The following GPC6 variants were observed in gnomAD, a reference collection of about 807,000 sequenced individuals.
The protein encoded by GPC6 is glypican 6.
In GPC6, 14 loss-of-function variants were observed where a neutral mutation model predicts 55.2. The ratio of observed to expected loss-of-function variants is 0.25; its 90% confidence interval spans 0.17 to 0.40. GPC6 has a LOEUF of 0.40. Ranked by LOEUF, GPC6 falls within the 10% of genes least tolerant of loss-of-function variation. The probability of loss-of-function intolerance (pLI) is 1.00; values close to 1 mark genes in which losing one functional copy is unlikely to be tolerated. For synonymous variants in GPC6, 278 were observed against 259.6 expected, an observed-to-expected ratio of 1.07 and a Z score of -0.68; for missense variants, 641 against 708.5, an observed-to-expected ratio of 0.90 and a Z score of 1.08.
At chr13:93,752,473 C>T (rs1213331047) in intron 2 of GPC6, among the ~76,000 whole-genome samples, 1 of 151,806 alleles carries the variant, frequency 6.6e-6, no homozygotes, top group African/African-American at 2.4e-5. Flanking sequence ...AAGAAAATGC[C>T]TAAGGTAGCA....
chr13:94,036,101 A>G (rs1183358295), intron 4 of GPC6, among the ~76,000 whole-genome samples: 2 of 152,002 alleles, frequency 1.3e-5, no homozygotes, highest in African/African-American at 4.8e-5. Flanking sequence ...TTGTTACTCT[A>G]AAGAGGGAGT....
intron 1 of GPC6, among the ~76,000 whole-genome samples, chr13:93,232,957 A>G (rs1409309062): frequency 1.3e-5 from 2 of 152,172 alleles, no homozygotes; most frequent in Non-Finnish European, 2.9e-5. Context: ...CTTAATTCAC[A>G]TCTTTCAAAT....
chr13:94,197,263 C>G (rs1889607282), intron 4 of GPC6, among the ~76,000 whole-genome samples: 1 of 152,146 alleles, frequency 6.6e-6, no homozygotes, highest in South Asian at 2.1e-4. Flanking sequence ...ACACCCAGAC[C>G]TTAGTCAAAA....
intron 2 of GPC6, among the ~76,000 whole-genome samples, chr13:93,601,766 A>G (rs1211038196): frequency 3.9e-5 from 6 of 152,250 alleles, no homozygotes; most frequent in Non-Finnish European, 7.3e-5. Context: ...ACACATATGT[A>G]TCTGGCTTCT....
chr13:94,177,833 T>A (rs969268971), intron 4 of GPC6, among the ~76,000 whole-genome samples: 1 of 152,142 alleles, frequency 6.6e-6, no homozygotes, highest in African/African-American at 2.4e-5. Flanking sequence ...ATAAACCACA[T>A]GACCAAGTAT....
At chr13:94,184,036 T>A (rs1382344596) in intron 4 of GPC6, among the ~76,000 whole-genome samples, 1 of 152,120 alleles carries the variant, frequency 6.6e-6, no homozygotes, top group Admixed American at 6.5e-5. Flanking sequence ...GCTGTGATAG[T>A]TGGCTAGCCA....
At chr13:93,500,708 C>T (rs1472016619) in intron 1 of GPC6, among the ~76,000 whole-genome samples, 6 of 152,046 alleles carry the variant, frequency 3.9e-5, no homozygotes, top group Non-Finnish European at 8.8e-5. Flanking sequence ...AAATCTTGTT[C>T]TTGCACCATG....
chr13:93,394,558 C>T (rs1875771970), intron 1 of GPC6, among the ~76,000 whole-genome samples: 1 of 152,150 alleles, frequency 6.6e-6, no homozygotes, highest in South Asian at 2.1e-4. Flanking sequence ...AAATGTAATA[C>T]AAACTTAAAA....
chr13:93,295,290 CAAAA>C (rs67379652), intron 1 of GPC6, among the ~76,000 whole-genome samples: 9 of 66,680 alleles, frequency 1.3e-4, no homozygotes, highest in African/African-American at 5.3e-4. Context: ...GACCCTGTCT[CAAAA>C]AAAAAAAAAA....
chr13:93,936,910 A>G (rs976867740), intron 3 of GPC6, among the ~76,000 whole-genome samples: 43 of 152,300 alleles, frequency 2.8e-4, no homozygotes, highest in Non-Finnish European at 5.3e-4. Flanking sequence ...CAGCATCCTA[A>G]ATTTAGAAAC....
At chr13:93,490,514 G>GT (rs796098096) in intron 1 of GPC6, among the ~76,000 whole-genome samples, 4,645 of 35,288 alleles carry the variant, frequency 0.13, 280 homozygotes, top group Middle Eastern at 0.22. Context: ...TTTTTTTTGA[G>GT]TTTTTTTTTT....
At chr13:93,433,776 C>T (rs140134477) in intron 1 of GPC6, among the ~76,000 whole-genome samples, 1,645 of 152,058 alleles carry the variant, frequency 0.011, 16 homozygotes, top group Non-Finnish European at 0.015. Flanking sequence ...GGAGGAAAAC[C>T]GTAATCATAA....
At chr13:94,247,385 T>G (rs1229348396) in intron 4 of GPC6, among the ~76,000 whole-genome samples, 3 of 152,096 alleles carry the variant, frequency 2.0e-5, no homozygotes, top group Non-Finnish European at 1.5e-5. Context: ...TGGGACTATG[T>G]TGAATGGAAT....
chr13:93,440,853 C>G (rs1162388811), intron 1 of GPC6, among the ~76,000 whole-genome samples: 1 of 150,864 alleles, frequency 6.6e-6, no homozygotes, highest in Non-Finnish European at 1.5e-5. Flanking sequence ...CCTGCCCCCA[C>G]CCCACAACAG....
intron 1 of GPC6, among the ~76,000 whole-genome samples, chr13:93,270,801 A>AAC (rs1315106478): frequency 1.3e-5 from 2 of 152,118 alleles, no homozygotes; most frequent in African/African-American, 4.8e-5. Flanking sequence ...AGTCAACAAC[A>AAC]ACACTGCCTC....
At chr13:94,152,044 G>T (rs1450442740) in intron 4 of GPC6, among the ~76,000 whole-genome samples, 3 of 152,016 alleles carry the variant, frequency 2.0e-5, no homozygotes, top group African/African-American at 4.8e-5. Context: ...ACAGGGACTT[G>T]TTTCAAATTC....
chr13:93,223,592 T>C (rs529080338), upstream of GPC6, among the ~76,000 whole-genome samples: 1 of 151,704 alleles, frequency 6.6e-6, no homozygotes, highest in South Asian at 2.1e-4. Flanking sequence ...TGCAGGCACA[T>C]ACCATCACAC....
intron 2 of GPC6, among the ~76,000 whole-genome samples, chr13:93,708,100 C>T (rs912168071): frequency 1.3e-4 from 19 of 151,704 alleles, no homozygotes; most frequent in Admixed American, 4.0e-4. Context: ...ACTCATTTAG[C>T]GGAAAACATT....
chr13:94,275,239 A>G (rs1049044635), intron 4 of GPC6, among the ~76,000 whole-genome samples: 2 of 152,204 alleles, frequency 1.3e-5, no homozygotes, highest in Non-Finnish European at 2.9e-5. Context: ...AGGAACAATA[A>G]CAAATATACA....
Sources: gnomAD v4.1 joint callset for allele counts (sites outside exome capture counted in the v4.1 genomes callset) on GRCh38, gnomAD v4.1.1 for gene constraint, MANE v1.5 for transcripts, NCBI Gene and HGNC (gene_info 2026-07-23, HGNC 2026-07-21) for gene names.